IGSF21: variants seen among roughly 807,000 people sequenced by gnomAD.
IGSF21 encodes the protein immunoglobin superfamily member 21, also known as immunoglobulin superfamily member 21.
In IGSF21, 28 loss-of-function variants were observed where a neutral mutation model predicts 46.8. That is an observed-to-expected ratio of 0.60 (90% CI 0.44 to 0.82). The LOEUF is 0.82. Among genes scored for constraint, IGSF21 ranks in the 40% least tolerant of loss-of-function variants. The probability of loss-of-function intolerance (pLI) is 0.00; values close to 1 mark genes in which losing one functional copy is unlikely to be tolerated. For missense variants in IGSF21, 624 were observed against 665.5 expected (o/e 0.94, Z 0.69); for synonymous variants, 284 against 273.6 (o/e 1.04, Z -0.38).
At chr1:18,255,573 T>C (rs2084884317) in intron 2 of IGSF21, among the ~76,000 whole-genome samples, 1 of 152,088 alleles carries the variant, frequency 6.6e-6, no homozygotes, top group African/African-American at 2.4e-5. Context: ...TTTGGCTCTG[T>C]TCATCTCTGT....
At chr1:18,139,399 C>T (rs2124423820) in intron 1 of IGSF21, among the ~76,000 whole-genome samples, 1 of 152,286 alleles carries the variant, frequency 6.6e-6, no homozygotes, top group African/African-American at 2.4e-5. Context: ...TGAGCACCTC[C>T]CCCTGCTGGA....
At chr1:18,272,221 G>A (rs1275719904) in intron 2 of IGSF21, among the ~76,000 whole-genome samples, 1 of 149,274 alleles carries the variant, frequency 6.7e-6, no homozygotes, top group Admixed American at 6.7e-5. Flanking sequence ...CACTAGAACA[G>A]TATAGGGGAA....
intron 9 of IGSF21, 47 bp from the exon 10 acceptor site, chr1:18,378,209 G>A (rs764072102): frequency 1.7e-5 from 26 of 1,506,096 alleles, no homozygotes; most frequent in East Asian, 1.1e-4. Flanking sequence ...GTTCTGGAAC[G>A]GGGTTGGGTC....
chr1:18,290,266 G>C lies in IGSF21; in HGVS notation c.184-1600G>C, dbSNP rs1057125455. Among the ~76,000 whole-genome samples, 1 of 152,154 alleles carries C rather than the reference G, an allele frequency of 6.6e-6. No individual in the cohort carries two copies. The highest frequency in any genetic ancestry group is 1.5e-5 in the Non-Finnish European group (1 of 68,028). ...CAGAAGCAGCCAGGTGGGAGGAAGTGGTCCTCTGTCTCCCCTCTGCACATG... is the reference window on the plus strand; with the variant it reads ...CAGAAGCAGCCAGGTGGGAGGAAGTCGTCCTCTGTCTCCCCTCTGCACATG... On this transcript the variant is annotated intron_variant, in intron 2 of 9. Coordinates refer to ENST00000251296, the MANE Select transcript of IGSF21 (RefSeq NM_032880.5). The surrounding 1 kb of genome is among the most constrained non-coding windows in gnomAD (Gnocchi z 4.2).
chr1:18,353,277 C>T (rs1310538003), intron 4 of IGSF21, among the ~76,000 whole-genome samples: 1 of 151,764 alleles, frequency 6.6e-6, no homozygotes, highest in Non-Finnish European at 1.5e-5. Context: ...GGATCTGTCT[C>T]TTCGGGTCTC....
At chr1:18,376,523 G>A in intron 7 of IGSF21, 128 bp downstream of exon 7, 2 of 786,144 alleles carry the variant, frequency 2.5e-6, no homozygotes, top group South Asian at 1.5e-5. Context: ...GTGGGTTTCA[G>A]TTTCCCAATG....
At chr1:18,241,165 C>CA (rs1176120268) in intron 2 of IGSF21, among the ~76,000 whole-genome samples, 27 of 152,160 alleles carry the variant, frequency 1.8e-4, no homozygotes, top group African/African-American at 5.1e-4. Flanking sequence ...TTATAGGGTT[C>CA]AGAAGTCCAC....
chr1:18,198,446 G>A (rs1487941409), intron 1 of IGSF21, among the ~76,000 whole-genome samples: 2 of 152,300 alleles, frequency 1.3e-5, no homozygotes, highest in African/African-American at 4.8e-5. Flanking sequence ...GAGCCCAGGA[G>A]CCAGGCTCCC....
chr1:18,262,903 C>A (rs1219119839), intron 2 of IGSF21, among the ~76,000 whole-genome samples: 1 of 152,186 alleles, frequency 6.6e-6, no homozygotes, highest in East Asian at 1.9e-4. Context: ...ACTGCAACTG[C>A]ACACTGAATG....
At chr1:18,351,925 G>T (rs1489051311) in intron 4 of IGSF21, among the ~76,000 whole-genome samples, 1 of 152,214 alleles carries the variant, frequency 6.6e-6, no homozygotes, top group Non-Finnish European at 1.5e-5. Flanking sequence ...TGCGGGGCAG[G>T]CTGCTTCCAG....
intron 2 of IGSF21, among the ~76,000 whole-genome samples, chr1:18,238,153 C>T (rs1284870720): frequency 6.6e-6 from 1 of 152,136 alleles, no homozygotes; most frequent in East Asian, 1.9e-4. Flanking sequence ...TGCAGGTGTT[C>T]GCTGAGTGTG....
chr1:18,195,415 T>A (rs10907293), intron 1 of IGSF21, among the ~76,000 whole-genome samples: 42,474 of 152,046 alleles, frequency 0.28, 6,923 homozygotes, highest in South Asian at 0.36. Context: ...GAAGTTGGAA[T>A]GAGGATCAGA....
intron 3 of IGSF21, among the ~76,000 whole-genome samples, chr1:18,309,080 A>C (rs1337111223): frequency 6.7e-6 from 1 of 149,752 alleles, no homozygotes; most frequent in African/African-American, 2.5e-5. Context: ...ATACCCCCAT[A>C]CTCCCCGCCC....
intron 1 of IGSF21, among the ~76,000 whole-genome samples, chr1:18,205,159 GAA>G (rs1307602263): frequency 1.3e-5 from 2 of 151,612 alleles, no homozygotes; most frequent in Admixed American, 6.6e-5. Context: ...GAGAGAGAGA[GAA>G]AGAGAGAGGG....
intron 1 of IGSF21, among the ~76,000 whole-genome samples, chr1:18,172,619 C>T (rs1228066976): frequency 6.6e-6 from 1 of 152,210 alleles, no homozygotes; most frequent in Non-Finnish European, 1.5e-5. Flanking sequence ...TCTTACAAAT[C>T]CTCCAATCCT....
At chr1:18,307,249 C>A (rs1173720945) in intron 3 of IGSF21, among the ~76,000 whole-genome samples, 3 of 152,118 alleles carry the variant, frequency 2.0e-5, no homozygotes, top group South Asian at 2.1e-4. Context: ...CCTCCCCAAC[C>A]CTGCCAGGGG....
At chr1:18,178,938 A>G (rs1457501878) in intron 1 of IGSF21, 2 of 152,266 alleles carry the variant, frequency 1.3e-5, no homozygotes, top group East Asian at 1.9e-4. Flanking sequence ...ATTAGCCTTC[A>G]GAAGCCTCCG....
At chr1:18,248,936 C>A (rs1345598071) in intron 2 of IGSF21, among the ~76,000 whole-genome samples, 1 of 152,114 alleles carries the variant, frequency 6.6e-6, no homozygotes, top group Non-Finnish European at 1.5e-5. Flanking sequence ...TCAAGGTTGG[C>A]TTCGCAGGGG....
chr1:18,350,214 A>G (rs1036918277), intron 4 of IGSF21, among the ~76,000 whole-genome samples: 1 of 152,196 alleles, frequency 6.6e-6, no homozygotes. Context: ...TGGGGAGCCC[A>G]TGGCCAGGAT....
Sources: gnomAD v4.1 joint callset for allele counts (sites outside exome capture counted in the v4.1 genomes callset) on GRCh38, gnomAD v4.1.1 for gene constraint, Gnocchi (gnomAD v3.1) non-coding constraint, MANE v1.5 for transcripts, NCBI Gene and HGNC (gene_info 2026-07-23, HGNC 2026-07-21) for gene names.